Variants in KCNIP4 observed in about 807,000 individuals in gnomAD.
KCNIP4 encodes the protein potassium voltage-gated channel interacting protein 4, also known as Kv channel-interacting protein 4.
A neutral mutation model predicts 34.0 loss-of-function variants in KCNIP4; 12 were observed. The observed-to-expected ratio is 0.35, with a 90% CI of 0.23 to 0.57. The LOEUF is 0.57. Among genes scored for constraint, KCNIP4 ranks in the 20% least tolerant of loss-of-function variants. The pLI, the probability that KCNIP4 is intolerant of heterozygous loss-of-function variation, is 0.83. For missense variants in KCNIP4, 238 were observed against 311.7 expected (o/e 0.76, Z 1.78); for synonymous variants, 124 against 102.2 (o/e 1.21, Z -1.29).
chr4:21,499,558 C>G (rs1454400674), intron 1 of KCNIP4, among the ~76,000 whole-genome samples: 1 of 150,756 alleles, frequency 6.6e-6, no homozygotes, highest in African/African-American at 2.5e-5. Flanking sequence ...GAATAAAATA[C>G]TTTCTTCTTC....
chr4:20,954,130 T>G (rs1366283675), intron 1 of KCNIP4, among the ~76,000 whole-genome samples: 1 of 152,128 alleles, frequency 6.6e-6, no homozygotes, highest in Non-Finnish European at 1.5e-5. Context: ...TTACCTCAAG[T>G]GAACACAAGA....
chr4:21,864,950 G>C (rs1725324448), intron 1 of KCNIP4, among the ~76,000 whole-genome samples: 1 of 152,218 alleles, frequency 6.6e-6, no homozygotes, highest in Admixed American at 6.5e-5. Flanking sequence ...GCCACATGCT[G>C]ATGATCTGGA....
intron 1 of KCNIP4, among the ~76,000 whole-genome samples, chr4:21,009,075 T>C (rs1160420428): frequency 6.6e-6 from 1 of 152,160 alleles, no homozygotes; most frequent in Non-Finnish European, 1.5e-5. Context: ...AATGATCAAA[T>C]AGAGTGAGCT....
At chr4:21,469,257 G>A (rs1730258490) in intron 1 of KCNIP4, among the ~76,000 whole-genome samples, 2 of 151,900 alleles carry the variant, frequency 1.3e-5, no homozygotes, top group Admixed American at 1.3e-4. Context: ...TATTACCCAG[G>A]TTTGTCTCAA....
intron 1 of KCNIP4, among the ~76,000 whole-genome samples, chr4:21,856,505 G>A (rs920910479): frequency 3.9e-5 from 6 of 152,150 alleles, no homozygotes; most frequent in African/African-American, 7.2e-5. Context: ...AGGAACAGGC[G>A]GAAGCTCCAC....
chr4:21,296,500 A>G (rs1763848702), intron 1 of KCNIP4, among the ~76,000 whole-genome samples: 1 of 151,520 alleles, frequency 6.6e-6, no homozygotes, highest in Admixed American at 6.6e-5. Flanking sequence ...CTAAGCATAT[A>G]GAAATACCAA....
At position 21,445,861 on chromosome 4, in the gene KCNIP4, T is replaced by C. The variant is rs555950733; in HGVS notation, c.61+502710A>G. 4.5e-4 allele frequency among the ~76,000 whole-genome samples: 69 copies of C among 152,270 alleles called. 1 individual carries two copies. Among genetic ancestry groups the C allele is most frequent in the African/African-American group, 1.6e-3 (65 of 41,560 alleles). On this transcript the variant is annotated intron_variant, in intron 1 of 8. Coordinates refer to ENST00000382152, the MANE Select transcript of KCNIP4 (RefSeq NM_025221.6). ...AACACACAGAATGGGAGAAAATTTT[T>C]GCAATCTACTCATCTGACAAAGGGC... is the stretch of plus-strand genomic sequence containing the variant.
chr4:21,781,262 T>C (rs1719558698), intron 1 of KCNIP4, among the ~76,000 whole-genome samples: 1 of 152,134 alleles, frequency 6.6e-6, no homozygotes. Flanking sequence ...CCTAAAGCCC[T>C]GTGAAGAAGG....
chr4:21,454,326 C>T (rs1361807752), intron 1 of KCNIP4, among the ~76,000 whole-genome samples: 1 of 152,104 alleles, frequency 6.6e-6, no homozygotes, highest in African/African-American at 2.4e-5. Flanking sequence ...AAATCAGAAA[C>T]TCTGGGGAGG....
At chr4:20,766,915 ATC>A (rs1755466695) in intron 3 of KCNIP4, 1 of 152,064 alleles carries the variant, frequency 6.6e-6, no homozygotes, top group Non-Finnish European at 1.5e-5. Flanking sequence ...AAACTGTTTA[ATC>A]TAAGTCTCAT....
At chr4:20,740,527 G>C (rs1019956358) in intron 5 of KCNIP4, among the ~76,000 whole-genome samples, 2 of 152,174 alleles carry the variant, frequency 1.3e-5, no homozygotes, top group African/African-American at 2.4e-5. Context: ...CAAATGCTGA[G>C]AGATTTTGTC....
intron 1 of KCNIP4, among the ~76,000 whole-genome samples, chr4:21,854,126 G>A (rs939161876): frequency 2.6e-5 from 4 of 152,162 alleles, no homozygotes; most frequent in Non-Finnish European, 5.9e-5. Flanking sequence ...CAGTTTGAGT[G>A]CCCACATATA....
intron 1 of KCNIP4, among the ~76,000 whole-genome samples, chr4:21,664,883 T>C (rs921325172): frequency 6.6e-6 from 1 of 152,196 alleles, no homozygotes; most frequent in African/African-American, 2.4e-5. Flanking sequence ...AATTATAAAA[T>C]TATCACAATA....
chr4:21,524,846 T>A (rs535874315), intron 1 of KCNIP4, among the ~76,000 whole-genome samples: 1 of 152,292 alleles, frequency 6.6e-6, no homozygotes, highest in African/African-American at 2.4e-5. Context: ...TAACAGGAAG[T>A]CAATAAATAT....
intron 3 of KCNIP4, 141 bp from the exon 4 acceptor site, chr4:20,759,031 A>G: frequency 3.2e-6 from 2 of 616,398 alleles, no homozygotes; most frequent in East Asian, 5.5e-5. Context: ...AAAGGGAATA[A>G]AAGCACACTA....
intron 1 of KCNIP4, among the ~76,000 whole-genome samples, chr4:21,348,489 G>A (rs1201504668): frequency 6.6e-6 from 1 of 152,134 alleles, no homozygotes; most frequent in East Asian, 1.9e-4. Context: ...GTTCCATCCT[G>A]GTTCATCTTG....
intron 1 of KCNIP4, among the ~76,000 whole-genome samples, chr4:21,644,823 T>G (rs1052073772): frequency 2.0e-5 from 3 of 152,182 alleles, no homozygotes; most frequent in Non-Finnish European, 4.4e-5. Context: ...TGATTTTTGA[T>G]CTCTCTATGA....
Position 21,738,117 on chromosome 4 carries a change from AAATAAATAAATAAATAAAT to A in KCNIP4, c.61+210435_61+210453del, listed in dbSNP as rs200024031. ...AAAATAAATAAATAAATAAATAAAT[AAATAAATAAATAAATAAAT>A]AATAAATAAAAGGCTTAAAAGTCAA... is the stretch of plus-strand genomic sequence containing the variant. On this transcript the variant is annotated intron_variant, in intron 1 of 8. Coordinates refer to ENST00000382152, the MANE Select transcript of KCNIP4 (RefSeq NM_025221.6). Among the ~76,000 whole-genome samples the A allele has an allele frequency of 9.3e-3, 1,305 of 140,096 alleles. 18 individuals are homozygous for A. The highest frequency in any genetic ancestry group is 0.038 in the South Asian group (182 of 4,736). The allele number at this position is 140,096 out of a possible 152,430, so 91.9% of individuals were successfully genotyped here. A position where few individuals can be genotyped will look rare whatever the true frequency, so the allele number is the denominator to read the frequency against.
At chr4:21,363,112 G>GT (rs1266498255) in intron 1 of KCNIP4, among the ~76,000 whole-genome samples, 3 of 152,130 alleles carry the variant, frequency 2.0e-5, no homozygotes, top group Non-Finnish European at 4.4e-5. Flanking sequence ...CCTCAGAGAG[G>GT]TTTAGAAACT....
Sources: gnomAD v4.1 joint callset for allele counts (sites outside exome capture counted in the v4.1 genomes callset) on GRCh38, gnomAD v4.1.1 for gene constraint, MANE v1.5 for transcripts, NCBI Gene and HGNC (gene_info 2026-07-23, HGNC 2026-07-21) for gene names.